The following GALNT16 variants were observed in gnomAD, a reference collection of about 807,000 sequenced individuals.
The protein encoded by GALNT16 is polypeptide N-acetylgalactosaminyltransferase 16.
GALNT16 carries 40 observed loss-of-function variants against 76.1 expected under a neutral mutation model. The observed-to-expected ratio is 0.53, with a 90% CI of 0.41 to 0.68. GALNT16 has a LOEUF of 0.68. Among genes scored for constraint, GALNT16 ranks in the 30% least tolerant of loss-of-function variants. The probability of loss-of-function intolerance (pLI) is 0.00; values close to 1 mark genes in which losing one functional copy is unlikely to be tolerated. For synonymous variants in GALNT16, 276 were observed against 285.2 expected, an observed-to-expected ratio of 0.97 and a Z score of 0.32; for missense variants, 621 against 731.9, an observed-to-expected ratio of 0.85 and a Z score of 1.75.
chr14:69,348,026 AGAGG>A, intron 14 of GALNT16, 24 bp downstream of exon 14: 2 of 1,613,410 alleles, frequency 1.2e-6, no homozygotes, highest in Non-Finnish European at 1.7e-6. Context: ...CCTCTGGCCC[AGAGG>A]CCCAGCAGCC....
chr14:69,341,233 G>C (rs1233990057), intron 11 of GALNT16, among the ~76,000 whole-genome samples: 1 of 152,188 alleles, frequency 6.6e-6, no homozygotes, highest in Non-Finnish European at 1.5e-5. Context: ...GGAAGGTGAG[G>C]ATGGCGGTGT....
At chr14:69,281,210 T>C (rs921549533) in intron 1 of GALNT16, among the ~76,000 whole-genome samples, 3 of 152,188 alleles carry the variant, frequency 2.0e-5, no homozygotes, top group African/African-American at 7.2e-5. Flanking sequence ...GCCTACTGTG[T>C]GTCACACCCA....
At chr14:69,322,897 G>T (rs1409280197) in intron 2 of GALNT16, among the ~76,000 whole-genome samples, 1 of 145,108 alleles carries the variant, frequency 6.9e-6, no homozygotes, top group African/African-American at 2.5e-5. Flanking sequence ...TCTCAAAAAA[G>T]AAAAAAGAAA....
Position 69,260,477 on chromosome 14 carries a change from C to A in GALNT16, c.177+10C>A, listed in dbSNP as rs114789616. ...CACCATCCCGCTCATTGTGAGTACG[C>A]CCCGAGCGTCGGCCGGCCGGCTAGG... On this transcript the variant is annotated intron_variant, in intron 1 of 14. Coordinates refer to ENST00000448469, the MANE Select transcript of GALNT16 (RefSeq NM_001168368.2). 102,984 of 1,387,482 alleles carry A rather than the reference C, an allele frequency of 0.074. 4,638 individuals carry two copies. Among genetic ancestry groups the A allele is most frequent in the African/African-American group, 0.21 (13,589 of 66,062 alleles). 85.9% of individuals were successfully genotyped at this position (1,387,482 alleles called of 1,614,324 possible). A position where few individuals can be genotyped will look rare whatever the true frequency, so the allele number is the denominator to read the frequency against.
At chr14:69,328,609 G>C in intron 6 of GALNT16, 38 bp downstream of exon 6, 3 of 1,597,270 alleles carry the variant, frequency 1.9e-6, no homozygotes, top group Non-Finnish European at 2.6e-6. Flanking sequence ...CGTCCTTGGG[G>C]ACTCAGCCAC....
upstream of GALNT16, chr14:69,260,137 C>CT: frequency 2.6e-5 from 3 of 113,958 alleles, no homozygotes; most frequent in South Asian, 4.9e-4. Flanking sequence ...CTCCCTATCA[C>CT]CCCCCCGCCC....
downstream of GALNT16, chr14:69,358,514 A>C (rs2045706069): frequency 6.5e-6 from 1 of 153,274 alleles, no homozygotes; most frequent in Admixed American, 6.5e-5. Context: ...CAGCAGGTGG[A>C]GCAGCAGAGT....
intron 1 of GALNT16, among the ~76,000 whole-genome samples, chr14:69,301,191 G>A (rs571023284): frequency 6.6e-6 from 1 of 152,248 alleles, no homozygotes; most frequent in South Asian, 2.1e-4. Context: ...GTGAGCCTCT[G>A]AAAGCCCCTG....
intron 2 of GALNT16, among the ~76,000 whole-genome samples, chr14:69,322,981 T>TGTGCGCGCGC (rs1196943800): frequency 3.5e-5 from 1 of 28,348 alleles, no homozygotes; most frequent in South Asian, 1.5e-3. Context: ...TGTGTGTGTG[T>TGTGCGCGCGC]GCGCGCGCAC....
chr14:69,283,966 G>A (rs889880328), intron 1 of GALNT16, among the ~76,000 whole-genome samples: 1 of 152,166 alleles, frequency 6.6e-6, no homozygotes, highest in Non-Finnish European at 1.5e-5. Flanking sequence ...GGTGGGAATC[G>A]GTGATAACAG....
chr14:69,347,684 T>C (rs2045584340), intron 13 of GALNT16, among the ~76,000 whole-genome samples, 193 bp from the exon 14 acceptor site: 1 of 152,188 alleles, frequency 6.6e-6, no homozygotes, highest in Non-Finnish European at 1.5e-5. Context: ...AGCATTTTAT[T>C]ACCAAAAAAT....
chr14:69,333,278 G>C lies in GALNT16; in HGVS notation c.863+109G>C. On this transcript the variant is annotated intron_variant, in intron 8 of 14. Transcript: ENST00000448469. The surrounding 1 kb of genome is among the most constrained non-coding windows in gnomAD (Gnocchi z 4.2). The stretch of plus-strand genomic sequence containing the variant: ...CTTGGGCTCCTGAGGCGCACTAAGT[G>C]CTGACTCTGTTCTGGGCCTTCGGAC... The C allele has an allele frequency of 1.3e-6, 1 of 768,944 alleles. No individual in the cohort carries two copies. The highest frequency in any genetic ancestry group is 2.2e-6 in the Non-Finnish European group (1 of 462,372). 47.6% of individuals were successfully genotyped at this position (768,944 alleles called of 1,614,324 possible).
intron 11 of GALNT16, among the ~76,000 whole-genome samples, chr14:69,340,249 T>C (rs879267742): frequency 6.6e-6 from 1 of 152,196 alleles, no homozygotes; most frequent in Non-Finnish European, 1.5e-5. Context: ...CCTCTGCATC[T>C]GCAGGGGATT....
chr14:69,301,976 AAAAC>A (rs1267612406), intron 1 of GALNT16, among the ~76,000 whole-genome samples: 12 of 152,166 alleles, frequency 7.9e-5, no homozygotes, highest in African/African-American at 2.7e-4. Flanking sequence ...GACCTCATCT[AAAAC>A]AAACAAACAC....
At chr14:69,381,289 A>G in the GALNT16 span, among the ~76,000 whole-genome samples, 1 of 152,226 alleles carries the variant, frequency 6.6e-6, no homozygotes, top group South Asian at 2.1e-4. Context: ...CAACAATACT[A>G]GAACAAACTT....
At chr14:69,321,854 C>T (rs941686438) in intron 2 of GALNT16, among the ~76,000 whole-genome samples, 2 of 152,372 alleles carry the variant, frequency 1.3e-5, no homozygotes, top group Non-Finnish European at 2.9e-5. Flanking sequence ...AGCTGACTCA[C>T]GGCTGTGCCT....
rs569747593 is a variant in GALNT16 at position 69,308,160 on chromosome 14, T to G, written c.178-12551T>G. On this transcript the variant is annotated intron_variant, in intron 1 of 14. Coordinates refer to ENST00000448469, the MANE Select transcript of GALNT16 (RefSeq NM_001168368.2). ...GAAGGACTTACTTTTCATCAATGTA[T>G]TTATCCCTGAGTTTCACTCTGAGGA... Among the ~76,000 whole-genome samples, 32 of 152,296 alleles carry G rather than the reference T, an allele frequency of 2.1e-4. 1 individual carries two copies. The highest frequency in any genetic ancestry group is 1.7e-3 in the South Asian group (8 of 4,816).
rs372330048 is a variant in GALNT16, at chr14:69,328,524, G to A, written c.643G>A (p.Glu215Lys). 2.3e-5 allele frequency: 37 copies of A among 1,613,896 alleles called. No individual in the cohort carries two copies. The highest frequency in any genetic ancestry group is 2.8e-5 in the Non-Finnish European group (33 of 1,180,010). ...TCTCACCTTTCTGGATAGCCACTGC[G>A]AAGTGAACACCGAGTGGCTGCCGCC... ...TVLTFLDSHC[E>K]VNTEWLPPML... Residue 215 changes from glutamate (E) to lysine (K), a missense_variant, in exon 6 of 15, where the codon GAA (glutamate) becomes AAA (lysine). Coordinates refer to ENST00000448469, the MANE Select transcript of GALNT16 (RefSeq NM_001168368.2).
chr14:69,373,716 CT>C, the GALNT16 span, among the ~76,000 whole-genome samples: 1 of 151,840 alleles, frequency 6.6e-6, no homozygotes, highest in African/African-American at 2.4e-5. Flanking sequence ...TTTTTCTTTT[CT>C]TTTTTCTTTC....
Sources: allele counts gnomAD v4.1 joint callset (sites outside exome capture counted in the v4.1 genomes callset), GRCh38; gene constraint gnomAD v4.1.1; non-coding constraint Gnocchi (gnomAD v3.1); transcripts MANE v1.5; gene names NCBI Gene and HGNC (gene_info 2026-07-23, HGNC 2026-07-21).